LYPLA1: variants seen among roughly 807,000 people sequenced by gnomAD.
LYPLA1 encodes lysophospholipase 1, also known as acyl-protein thioesterase 1.
A neutral mutation model predicts 34.0 loss-of-function variants in LYPLA1; 17 were observed. The observed-to-expected ratio is 0.50, with a 90% CI of 0.34 to 0.75. The LOEUF (loss-of-function observed/expected upper bound fraction) is 0.75. Ranked by LOEUF, LYPLA1 falls within the 30% of genes least tolerant of loss-of-function variation. The pLI is 0.01. For synonymous variants in LYPLA1, 98 were observed against 100.8 expected, an observed-to-expected ratio of 0.97 and a Z score of 0.17; for missense variants, 203 against 288.8, an observed-to-expected ratio of 0.70 and a Z score of 2.15.
In LYPLA1 at chr8:54,084,799, T is replaced by C. The variant is rs529211827; in HGVS notation, c.101+16109A>G. Among the ~76,000 whole-genome samples the C allele has an allele frequency of 2.9e-3, 438 of 152,242 alleles. 2 individuals carry two copies. Among genetic ancestry groups the C allele is most frequent in the African/African-American group, 0.01 (425 of 41,544 alleles). On this transcript the variant is annotated intron_variant, in intron 2 of 8. Coordinates refer to ENST00000316963, the MANE Select transcript of LYPLA1 (RefSeq NM_006330.4). ...AATAAATTAGATAACCTAGACTAAA[T>C]AGACAAATTCCTAGAATGACACAAA...
chr8:54,089,589 C>T (rs997713832), intron 2 of LYPLA1, among the ~76,000 whole-genome samples: 1 of 150,134 alleles, frequency 6.7e-6, no homozygotes, highest in African/African-American at 2.5e-5. Flanking sequence ...AAGTAAGTGG[C>T]AGGCCAGAAT....
chr8:54,045,851 A>G (rs1352196296), downstream of LYPLA1, among the ~76,000 whole-genome samples: 3 of 152,230 alleles, frequency 2.0e-5, no homozygotes, highest in African/African-American at 4.8e-5. Flanking sequence ...ACCTGAGGTC[A>G]GGAGTTGGAG....
At chr8:54,069,451 T>C (rs1048582708) in intron 2 of LYPLA1, among the ~76,000 whole-genome samples, 1 of 152,148 alleles carries the variant, frequency 6.6e-6, no homozygotes, top group Non-Finnish European at 1.5e-5. Flanking sequence ...TGGTGGCTCA[T>C]GCCTGTAATC....
At chr8:54,073,027 C>T in intron 2 of LYPLA1, 1 of 437,162 alleles carries the variant, frequency 2.3e-6, no homozygotes. Flanking sequence ...AAATCAAAAC[C>T]ACAACAAAAT....
intron 2 of LYPLA1, among the ~76,000 whole-genome samples, chr8:54,084,648 C>T (rs1247267170): frequency 6.6e-6 from 1 of 151,936 alleles, no homozygotes; most frequent in Non-Finnish European, 1.5e-5. Context: ...AAACCTTTAG[C>T]TAGATCAACC....
At chr8:54,096,741 T>G (rs1052446648) in intron 2 of LYPLA1, among the ~76,000 whole-genome samples, 1 of 137,126 alleles carries the variant, frequency 7.3e-6, no homozygotes, top group African/African-American at 2.8e-5. Flanking sequence ...AGACAAGGTC[T>G]CAAAAAAAAA....
downstream of LYPLA1, among the ~76,000 whole-genome samples, chr8:54,044,200 C>T (rs181431425): frequency 1.4e-3 from 216 of 152,182 alleles, 1 homozygote; most frequent in Non-Finnish European, 2.7e-3. Flanking sequence ...CCCAGCCTTC[C>T]TTTTATCTTT....
At chr8:54,071,345 G>A (rs1807448332) in intron 2 of LYPLA1, among the ~76,000 whole-genome samples, 1 of 152,196 alleles carries the variant, frequency 6.6e-6, no homozygotes, top group Non-Finnish European at 1.5e-5. Flanking sequence ...CTAATTTGGA[G>A]TGTTGTATGT....
At chr8:54,070,883 G>A (rs1807409911) in intron 2 of LYPLA1, among the ~76,000 whole-genome samples, 1 of 152,104 alleles carries the variant, frequency 6.6e-6, no homozygotes, top group Middle Eastern at 3.2e-3. Context: ...AAGAGTATAG[G>A]GTTTCTTTTT....
At chr8:54,073,290 T>C in intron 2 of LYPLA1, 1 of 895,336 alleles carries the variant, frequency 1.1e-6, no homozygotes, top group Non-Finnish European at 1.9e-6. Flanking sequence ...GGTCCTTCTG[T>C]GCCTGCCCCC....
At chr8:54,073,031 A>T (rs931755816) in intron 2 of LYPLA1, 10 of 468,666 alleles carry the variant, frequency 2.1e-5, no homozygotes, top group Non-Finnish European at 4.0e-5. Context: ...CAAAACCACA[A>T]CAAAATACCA....
intron 6 of LYPLA1, among the ~76,000 whole-genome samples, chr8:54,054,219 G>C (rs1586078833): frequency 6.6e-6 from 1 of 152,094 alleles, no homozygotes; most frequent in Non-Finnish European, 1.5e-5. Flanking sequence ...CTGACCTCAA[G>C]TGATCCACCC....
In LYPLA1 at chr8:54,090,058, G is replaced by A. The variant is rs180697917; in HGVS notation, c.101+10850C>T. On this transcript the variant is annotated intron_variant, in intron 2 of 8. Coordinates refer to ENST00000316963, the MANE Select transcript of LYPLA1 (RefSeq NM_006330.4). ...AGCCTATGAATGGATGTGCAATCAC[G>A]GAGGATTCACATCACCAAGATTCCT... Among the ~76,000 whole-genome samples the A allele has an allele frequency of 2.9e-4, 44 of 152,326 alleles. No individual in the cohort carries two copies. In the East Asian group the frequency reaches 7.5e-3, roughly 26 times the overall value.
intron 2 of LYPLA1, among the ~76,000 whole-genome samples, chr8:54,076,754 CCCAA>C (rs1472187513): frequency 6.6e-6 from 1 of 152,192 alleles, no homozygotes; most frequent in Non-Finnish European, 1.5e-5. Context: ...AGTTAACTAG[CCCAA>C]CCAATTCCTT....
chr8:54,098,219 T>A (rs1809837306), intron 2 of LYPLA1, among the ~76,000 whole-genome samples: 1 of 150,926 alleles, frequency 6.6e-6, no homozygotes, highest in South Asian at 2.1e-4. Flanking sequence ...CAAGACTCTG[T>A]CTCAAAAAAA....
At chr8:54,075,852 A>T (rs1185357949) in intron 2 of LYPLA1, among the ~76,000 whole-genome samples, 6 of 152,170 alleles carry the variant, frequency 3.9e-5, no homozygotes, top group Admixed American at 2.6e-4. Flanking sequence ...AATAATGAAC[A>T]TATTTGTTTA....
intron 2 of LYPLA1, chr8:54,073,261 G>C: frequency 1.1e-6 from 1 of 876,166 alleles, no homozygotes. Flanking sequence ...CTGTCTGAAT[G>C]GGGGAACCTG....
chr8:54,050,165 T>A (rs2129322191), intron 8 of LYPLA1, among the ~76,000 whole-genome samples: 1 of 152,362 alleles, frequency 6.6e-6, no homozygotes, highest in East Asian at 1.9e-4. Context: ...GTATTTCCAA[T>A]ATCCTATTTT....
chr8:54,044,506 G>C (rs1400669692), downstream of LYPLA1, among the ~76,000 whole-genome samples: 4 of 152,052 alleles, frequency 2.6e-5, no homozygotes, highest in Non-Finnish European at 5.9e-5. Flanking sequence ...AAAGTTTTGA[G>C]GGATGATTTC....
Sources: allele counts gnomAD v4.1 joint callset (sites outside exome capture counted in the v4.1 genomes callset), GRCh38; gene constraint gnomAD v4.1.1; transcripts MANE v1.5; gene names NCBI Gene and HGNC (gene_info 2026-07-23, HGNC 2026-07-21).